The following MECOM variants were observed in gnomAD, a reference collection of about 807,000 sequenced individuals.
MECOM encodes the protein MDS1 and EVI1 complex locus.
Under a neutral mutation model 116.3 loss-of-function variants are expected in MECOM, and 13 were observed. The ratio of observed to expected loss-of-function variants is 0.11; its 90% confidence interval spans 0.07 to 0.18. MECOM has a LOEUF of 0.18. Among genes scored for constraint, MECOM ranks in the 10% least tolerant of loss-of-function variants. MECOM has a pLI of 1.00. For synonymous variants in MECOM, 528 were observed against 535.2 expected (o/e 0.99, Z 0.19); for missense variants, 1,299 against 1,509.0 (o/e 0.86, Z 2.31).
intron 1 of MECOM, among the ~76,000 whole-genome samples, chr3:169,531,296 TCTCTCTA>T (rs1445024899): frequency 5.9e-5 from 9 of 152,166 alleles, no homozygotes; most frequent in African/African-American, 2.2e-4. Context: ...AGGCTCCTGA[TCTCTCTA>T]GCATAAACAA....
intron 1 of MECOM, among the ~76,000 whole-genome samples, chr3:169,401,151 G>A (rs558714396): frequency 2.0e-5 from 3 of 152,276 alleles, no homozygotes; most frequent in South Asian, 2.1e-4. Flanking sequence ...CACCATCAGC[G>A]TTGATGTCTC....
At position 169,496,232 on chromosome 3, in the gene MECOM, C is replaced by A. The variant is rs574313123; in HGVS notation, c.38-114708G>T. Among the ~76,000 whole-genome samples the A allele has an allele frequency of 1.3e-4, 20 of 152,286 alleles. No homozygotes were observed. The South Asian group carries it at 3.9e-3, about 30-fold the overall frequency. On this transcript the variant is annotated intron_variant, in intron 1 of 16. Coordinates refer to ENST00000651503, the MANE Select transcript of MECOM (RefSeq NM_004991.4). ...GAGTTCACTGGAATTCAGTGGCTAGCCAGTTGCCTCTATAAGCCTTAAAGA... is the reference window on the plus strand; with the variant it reads ...GAGTTCACTGGAATTCAGTGGCTAGACAGTTGCCTCTATAAGCCTTAAAGA...
chr3:169,481,493 C>G (rs886108615), intron 1 of MECOM, among the ~76,000 whole-genome samples: 2 of 151,876 alleles, frequency 1.3e-5, no homozygotes, highest in African/African-American at 4.8e-5. Context: ...GCAGGGGGTG[C>G]AGTAAGCCAA....
chr3:169,569,978 A>G (rs897537876), intron 1 of MECOM, among the ~76,000 whole-genome samples: 2 of 152,166 alleles, frequency 1.3e-5, no homozygotes, highest in African/African-American at 4.8e-5. Context: ...CAGAAGAAAT[A>G]ACTAAGATCA....
Position 169,173,629 on chromosome 3 carries a change from G to A in MECOM, c.376-29797C>T, listed in dbSNP as rs539547965. Among the ~76,000 whole-genome samples, 16 of 152,180 alleles carry A rather than the reference G, an allele frequency of 1.1e-4. No homozygotes were observed. The South Asian group carries it at 1.2e-3, about 12-fold the overall frequency. On this transcript the variant is annotated intron_variant, in intron 2 of 16. Coordinates refer to ENST00000651503, the MANE Select transcript of MECOM (RefSeq NM_004991.4). ...CGATTGCATTTCCAAAATATTTCTC[G>A]TATCAAATGCTTCTCACTATTGCTT...
intron 1 of MECOM, among the ~76,000 whole-genome samples, chr3:169,648,817 A>T (rs1360729335): frequency 6.6e-6 from 1 of 152,230 alleles, no homozygotes; most frequent in Non-Finnish European, 1.5e-5. Context: ...TAAAAATTGA[A>T]CCTAGCAGAA....
At position 169,143,105 on chromosome 3, in the gene MECOM, T is replaced by C. The variant is rs1349732602; in HGVS notation, c.510+593A>G. ...ACAGTTATTGTTATTAAAGTCAACC[T>C]CACTGCATGGTCCTCCATAATGTCA... On this transcript the variant is annotated intron_variant, in intron 3 of 16. Transcript: ENST00000651503. Among the ~76,000 whole-genome samples the C allele has an allele frequency of 2.0e-5, 3 of 152,154 alleles. No individual in the cohort carries two copies. The East Asian group carries it at 5.8e-4, about 29-fold the overall frequency.
intron 1 of MECOM, among the ~76,000 whole-genome samples, chr3:169,507,833 TG>T (rs373939237): frequency 0.32 from 46,757 of 148,144 alleles, 7,930 homozygotes; most frequent in African/African-American, 0.44. Context: ...GCTAATTTTT[TG>T]TATTTTTGAT....
At chr3:169,646,736 T>C (rs1286809934) in intron 1 of MECOM, among the ~76,000 whole-genome samples, 3 of 152,360 alleles carry the variant, frequency 2.0e-5, no homozygotes, top group Admixed American at 2.0e-4. Context: ...CACAATACAT[T>C]GTTTAGGAAA....
At chr3:169,089,972 A>C in intron 15 of MECOM, 28 bp downstream of exon 15, 1 of 1,600,908 alleles carries the variant, frequency 6.2e-7, no homozygotes, top group East Asian at 2.2e-5. Context: ...ACTCTAGCTT[A>C]GTTTCTAAAG....
intron 9 of MECOM, 103 bp downstream of exon 9, chr3:169,112,684 G>C: frequency 1.1e-6 from 1 of 889,496 alleles, no homozygotes; most frequent in Non-Finnish European, 1.8e-6. Flanking sequence ...CAGCGTCATA[G>C]GAAATCCTAA....
chr3:169,190,279 A>C (rs532852959), intron 2 of MECOM, among the ~76,000 whole-genome samples: 7 of 152,142 alleles, frequency 4.6e-5, no homozygotes, highest in African/African-American at 1.4e-4. Flanking sequence ...AGGTAGCAAA[A>C]AATAAAGTCG....
At position 169,283,662 on chromosome 3, in the gene MECOM, ACT is replaced by A. The variant is rs796830515; in HGVS notation, c.375+97523_375+97524del. Reference sequence around the variant, plus strand: ...ATTTAATGGACAATACATCAATTTTACTCTAAGTAGTGAAATTATTTCTGAAA... The same window carrying A: ...ATTTAATGGACAATACATCAATTTTACTAAGTAGTGAAATTATTTCTGAAA... On this transcript the variant is annotated intron_variant, in intron 2 of 16. Coordinates refer to ENST00000651503, the MANE Select transcript of MECOM (RefSeq NM_004991.4). Among the ~76,000 whole-genome samples the A allele has an allele frequency of 1.3e-3, 193 of 152,216 alleles. 1 individual carries two copies. The highest frequency in any genetic ancestry group is 4.3e-3 in the African/African-American group (180 of 41,524).
intron 2 of MECOM, among the ~76,000 whole-genome samples, chr3:169,358,007 C>T (rs1384549953): frequency 1.3e-5 from 2 of 151,698 alleles, no homozygotes; most frequent in African/African-American, 4.8e-5. Flanking sequence ...TTATTTTATG[C>T]ACTTTACCAG....
intron 2 of MECOM, among the ~76,000 whole-genome samples, chr3:169,232,664 T>A (rs545882437): frequency 6.6e-6 from 1 of 151,354 alleles, no homozygotes; most frequent in Non-Finnish European, 1.5e-5. Flanking sequence ...TATATATATG[T>A]ATACACATAT....
At chr3:169,559,263 G>C (rs1469335695) in intron 1 of MECOM, among the ~76,000 whole-genome samples, 1 of 152,074 alleles carries the variant, frequency 6.6e-6, no homozygotes, top group African/African-American at 2.4e-5. Context: ...TCATAGCCGG[G>C]CTCTATATTC....
rs954698419 is a variant in MECOM, at chr3:169,232,994, GT to G, written c.376-89163del. 4.7e-4 allele frequency among the ~76,000 whole-genome samples: 72 copies of G among 152,176 alleles called. 1 individual carries two copies. Among genetic ancestry groups the G allele is most frequent in the African/African-American group, 1.6e-3 (66 of 41,514 alleles). ...TTTCCTGGCAGGTCCCCAACAAGCA[GT>G]TGGGGGTTCTTCGTAGACCGAGCTT... is the stretch of plus-strand genomic sequence containing the variant. On this transcript the variant is annotated intron_variant, in intron 2 of 16. Coordinates refer to ENST00000651503, the MANE Select transcript of MECOM (RefSeq NM_004991.4).
intron 1 of MECOM, among the ~76,000 whole-genome samples, chr3:169,531,250 AATTT>A (rs1758587804): frequency 6.6e-6 from 1 of 152,178 alleles, no homozygotes; most frequent in African/African-American, 2.4e-5. Flanking sequence ...GAATACAATT[AATTT>A]ATCTGCCAAA....
chr3:169,176,405 G>C (rs1278555500), intron 2 of MECOM, among the ~76,000 whole-genome samples: 2 of 152,092 alleles, frequency 1.3e-5, no homozygotes, highest in African/African-American at 4.8e-5. Flanking sequence ...GGGAAAACTG[G>C]CTAGCCATAT....
Sources: gnomAD v4.1 joint callset for allele counts (sites outside exome capture counted in the v4.1 genomes callset) on GRCh38, gnomAD v4.1.1 for gene constraint, MANE v1.5 for transcripts, NCBI Gene and HGNC (gene_info 2026-07-23, HGNC 2026-07-21) for gene names.